COL4A2: variants seen among roughly 807,000 people sequenced by gnomAD.
COL4A2 encodes collagen type IV alpha 2 chain.
A neutral mutation model predicts 200.2 loss-of-function variants in COL4A2; 99 were observed. That is an observed-to-expected ratio of 0.49 (90% CI 0.42 to 0.58). The LOEUF (loss-of-function observed/expected upper bound fraction) is 0.58, where lower values mean the gene tolerates loss of function less well. Among genes scored for constraint, COL4A2 ranks in the 20% least tolerant of loss-of-function variants. The pLI is 0.00. For synonymous variants in COL4A2, 897 were observed against 900.6 expected, an observed-to-expected ratio of 1.00 and a Z score of 0.07; for missense variants, 1,950 against 2,314.1, an observed-to-expected ratio of 0.84 and a Z score of 3.23.
At chr13:110,481,082 G>A (rs35435282) in intron 31 of COL4A2, among the ~76,000 whole-genome samples, 16 of 43,224 alleles carry the variant, frequency 3.7e-4, no homozygotes, top group African/African-American at 1.5e-3. Flanking sequence ...CTGTCCCTCC[G>A]TTGCTGGAGA....
At chr13:110,465,337 A>G in intron 24 of COL4A2, 68 bp from the exon 25 acceptor site, 4 of 1,512,456 alleles carry the variant, frequency 2.6e-6, no homozygotes, top group Non-Finnish European at 3.5e-6. Context: ...TGGGAAAGGA[A>G]ACAGGGAAGT....
intron 3 of COL4A2, among the ~76,000 whole-genome samples, chr13:110,308,600 C>G (rs910035248): frequency 4.6e-5 from 7 of 152,126 alleles, no homozygotes; most frequent in African/African-American, 1.4e-4. Context: ...GCGAACGAGA[C>G]AACCTTAGTA....
chr13:110,486,519 C>T (rs942384962), intron 34 of COL4A2, among the ~76,000 whole-genome samples: 1 of 152,206 alleles, frequency 6.6e-6, no homozygotes, highest in African/African-American at 2.4e-5. Context: ...TTCTCACAGT[C>T]CCTAGCACAC....
chr13:110,418,183 T>A (rs1033503605), intron 4 of COL4A2, among the ~76,000 whole-genome samples: 1 of 152,250 alleles, frequency 6.6e-6, no homozygotes, highest in Non-Finnish European at 1.5e-5. Flanking sequence ...TGGTGCAGTG[T>A]CTGCTCAAAT....
In COL4A2 at chr13:110,508,024, G is replaced by A. The variant is rs771634327; in HGVS notation, c.4684G>A (p.Asp1562Asn). The change falls in exon 47 of 48, where the codon GAC (aspartate) becomes AAC (asparagine). Residue 1562 changes from aspartate to asparagine, a missense_variant. Around this residue, in one of 2 missense-constraint regions of COL4A2, gnomAD observed 1,385 missense variants for 1,720.5 expected, o/e 0.80. Coordinates refer to ENST00000360467, the MANE Select transcript of COL4A2 (RefSeq NM_001846.4). The surrounding 1 kb of genome is among the most constrained non-coding windows in gnomAD (Gnocchi z 6.1). The part of the protein sequence containing the change: ...GDVCYYASRN[D>N]KSYWLSTTAP... ...TGTCTGCTACTATGCCAGCCGGAAC[G>A]ACAAGTCCTACTGGCTCTCTACCAC... 7.4e-5 allele frequency: 119 copies of A among 1,614,104 alleles called. No individual in the cohort carries two copies. Among genetic ancestry groups the A allele is most frequent in the South Asian group, 1.5e-4 (14 of 91,092 alleles).
chr13:110,314,614 G>T (rs1366967237), intron 3 of COL4A2, among the ~76,000 whole-genome samples: 1 of 152,170 alleles, frequency 6.6e-6, no homozygotes. Context: ...CCTCTTCTTC[G>T]CTGGGGAGGG....
At chr13:110,431,717 C>A (rs1380446894) in intron 10 of COL4A2, among the ~76,000 whole-genome samples, 2 of 152,228 alleles carry the variant, frequency 1.3e-5, no homozygotes, top group African/African-American at 2.4e-5. Context: ...TTTGGTTCTT[C>A]ACATGAGCCA....
intron 3 of COL4A2, among the ~76,000 whole-genome samples, chr13:110,316,734 A>C (rs565452560): frequency 1.4e-4 from 21 of 152,320 alleles, no homozygotes; most frequent in South Asian, 1.0e-3. Context: ...CATGTGCAGG[A>C]AGGCACCTGG....
intron 17 of COL4A2, 80 bp downstream of exon 17, chr13:110,445,962 CTG>C: frequency 1.4e-6 from 2 of 1,472,468 alleles, no homozygotes; most frequent in Non-Finnish European, 1.9e-6. Flanking sequence ...TGATGGTGTC[CTG>C]TGGAGGCATC....
Position 110,336,450 on chromosome 13 carries a change from T to A in COL4A2, c.100-21022T>A, listed in dbSNP as rs191396776. On this transcript the variant is annotated intron_variant, in intron 3 of 47. Coordinates refer to ENST00000360467, the MANE Select transcript of COL4A2 (RefSeq NM_001846.4). The stretch of plus-strand genomic sequence containing the variant: ...CTTAGAAGAGGCCTGGGAGGTGGGA[T>A]AACAATAGCGGCCGCTGGAGGAGGG... Among the ~76,000 whole-genome samples, 54 of 152,282 alleles carry A rather than the reference T, an allele frequency of 3.5e-4. No homozygotes were observed. In the East Asian group the frequency reaches 0.01, roughly 28 times the overall value.
intron 38 of COL4A2, 128 bp from the exon 39 acceptor site, chr13:110,493,062 CGATGAGTGACACCCCCATGGG>C: frequency 6.9e-6 from 6 of 865,984 alleles, no homozygotes; most frequent in South Asian, 2.8e-5. Flanking sequence ...GGTGAAATAA[CGATGAGTGACACCCCCATGGG>C]TGAAATAACG....
At chr13:110,506,058 G>GA (rs1883850251) in intron 45 of COL4A2, among the ~76,000 whole-genome samples, 1 of 152,182 alleles carries the variant, frequency 6.6e-6, no homozygotes, top group South Asian at 2.1e-4. Context: ...GAGAGCGATG[G>GA]TTCTAGGCGC....
At chr13:110,452,766 A>G (rs1240013630) in intron 20 of COL4A2, among the ~76,000 whole-genome samples, 1 of 151,512 alleles carries the variant, frequency 6.6e-6, no homozygotes, top group Non-Finnish European at 1.5e-5. Flanking sequence ...TTTTTATTTT[A>G]TTTTATTTTA....
chr13:110,392,221 C>A (rs1289105503), intron 4 of COL4A2, among the ~76,000 whole-genome samples: 1 of 152,176 alleles, frequency 6.6e-6, no homozygotes, highest in Non-Finnish European at 1.5e-5. Flanking sequence ...AGTCAGTCAA[C>A]AACTTGACTG....
At chr13:110,372,186 G>A (rs531917556) in intron 4 of COL4A2, among the ~76,000 whole-genome samples, 5 of 152,324 alleles carry the variant, frequency 3.3e-5, no homozygotes, top group South Asian at 4.1e-4. Flanking sequence ...ACACCGGGCC[G>A]GTCATTCCAC....
At chr13:110,329,184 T>C (rs1475474060) in intron 3 of COL4A2, among the ~76,000 whole-genome samples, 2 of 152,226 alleles carry the variant, frequency 1.3e-5, no homozygotes, top group East Asian at 3.8e-4. Context: ...ACTTCAATAC[T>C]TGGGGTATTC....
Position 110,465,507 on chromosome 13 carries a change from G to A in COL4A2, c.1879G>A (p.Gly627Ser), listed in dbSNP as rs771559117. ...EMGPPGLGLP[G>S]LKGQRGFPGD... ...GGGCCCCCCAGGACTGGGCCTTCCCGGCCTCAAAGGCCAACGTGGTTTCCC... is the reference window on the plus strand; with the variant it reads ...GGGCCCCCCAGGACTGGGCCTTCCCAGCCTCAAAGGCCAACGTGGTTTCCC... Residue 627 changes from glycine to serine, a missense_variant, in exon 25 of 48, where the codon GGC (glycine) becomes AGC (serine). By Grantham distance (56) the Gly-to-Ser change is moderately conservative (BLOSUM62 0). Coordinates refer to ENST00000360467, the MANE Select transcript of COL4A2 (RefSeq NM_001846.4). 1.4e-5 allele frequency: 23 copies of A among 1,613,868 alleles called. No individual in the cohort carries two copies. The highest frequency in any genetic ancestry group is 1.3e-4 in the Admixed American group (8 of 60,008).
rs374884337 is a variant in COL4A2, at chr13:110,480,314, C to T, written c.2682C>T (p.Phe894=). The T allele has an allele frequency of 3.1e-6, 5 of 1,613,878 alleles. No individual in the cohort carries two copies. The highest frequency in any genetic ancestry group is 4.2e-6 in the Non-Finnish European group (5 of 1,179,960). Residue 894 remains phenylalanine, a synonymous_variant, in exon 31 of 48, where the codon TTC becomes TTT. Transcript: ENST00000360467. ...GLSGDRGDAG[F]TGEQGHPGSP... The stretch of plus-strand genomic sequence containing the variant: ...CTGGTGACAGAGGAGATGCTGGCTT[C>T]ACAGGGGAGCAAGGCCATCCAGGAA...
At chr13:110,407,290 C>T (rs566440830) in intron 4 of COL4A2, among the ~76,000 whole-genome samples, 6 of 152,202 alleles carry the variant, frequency 3.9e-5, no homozygotes, top group Non-Finnish European at 7.4e-5. Flanking sequence ...AAGAAGTGAG[C>T]GAGGAGGAAT....
Sources: allele counts gnomAD v4.1 joint callset (sites outside exome capture counted in the v4.1 genomes callset), GRCh38; gene constraint gnomAD v4.1.1; regional missense constraint gnomAD v4.1.1; non-coding constraint Gnocchi (gnomAD v3.1); transcripts MANE v1.5; gene names NCBI Gene and HGNC (gene_info 2026-07-23, HGNC 2026-07-21).